The following MRPL38 variants were observed in gnomAD, a reference collection of about 807,000 sequenced individuals.
MRPL38 encodes the protein large ribosomal subunit protein mL38.
MRPL38 carries 51 observed loss-of-function variants against 52.1 expected under a neutral mutation model. That is an observed-to-expected ratio of 0.98 (90% CI 0.78 to 1.24). MRPL38 has a LOEUF of 1.24. MRPL38 is among the 50% of genes most tolerant of loss of function. The pLI is 0.00. For synonymous variants in MRPL38, 245 were observed against 212.7 expected (o/e 1.15, Z -1.32); for missense variants, 527 against 518.6 (o/e 1.02, Z -0.16).
rs140320185 is a variant in MRPL38 at position 75,899,604 on chromosome 17, G to T, written c.781C>A (p.Arg261=). Reference sequence around the variant, plus strand: ...GCAAGACGGTGGATGCCGGAGCCTCGGGCAGGGAAGGGGGGGAGGTAGGGA... The same window carrying T: ...GCAAGACGGTGGATGCCGGAGCCTCTGGCAGGGAAGGGGGGGAGGTAGGGA... The part of the protein sequence containing the change: ...TCPYLPPFPA[R]GSGIHRLAFL... Residue 261 remains arginine, a synonymous_variant, in exon 7 of 9, where the codon CGA becomes AGA. Transcript: ENST00000309352. 1.7e-5 allele frequency: 27 copies of T among 1,607,818 alleles called. No homozygotes were observed. In the East Asian group the frequency reaches 5.8e-4, roughly 35 times the overall value.
In MRPL38 at chr17:75,898,668, A is replaced by C. The variant is rs74757429; in HGVS notation, c.*182T>G. The C allele has an allele frequency of 4.1e-3, 2,693 of 653,998 alleles. 67 individuals are homozygous for C. In the African/African-American group the frequency reaches 0.046, roughly 11 times the overall value. 40.5% of individuals were successfully genotyped at this position (653,998 alleles called of 1,614,324 possible). A position where few individuals can be genotyped will look rare whatever the true frequency, so the allele number is the denominator to read the frequency against. On this transcript the variant is annotated 3_prime_UTR_variant, in exon 9 of 9. Coordinates refer to ENST00000309352, the MANE Select transcript of MRPL38 (RefSeq NM_032478.4). ...GCCCGGCAAGAAATCATGTTTATTCACATTCCCCACCCCACCACCTGAGAG... is the reference window on the plus strand; with the variant it reads ...GCCCGGCAAGAAATCATGTTTATTCCCATTCCCCACCCCACCACCTGAGAG...
Position 75,901,664 on chromosome 17 carries a change from G to T in MRPL38, c.591+48C>A. 4 of 1,518,604 alleles carry T rather than the reference G, an allele frequency of 2.6e-6. No homozygotes were observed. In the South Asian group the frequency reaches 4.5e-5, roughly 17 times the overall value. The allele number at this position is 1,518,604 out of a possible 1,614,324, so 94.1% of individuals were successfully genotyped here. ...TGTCTGTGACACTGAGATGGGATGT[G>T]TCTGTGTTTGCACAGGGCAGGGAGG... On this transcript the variant is annotated intron_variant, in intron 4 of 8. Coordinates refer to ENST00000309352, the MANE Select transcript of MRPL38 (RefSeq NM_032478.4). This position sits in a 1 kb window ranked among gnomAD's most constrained non-coding sequence, Gnocchi z 5.7.
In MRPL38 at chr17:75,898,811, G is replaced by GATCA. The variant is rs1567851924; in HGVS notation, c.*35_*38dup. The GATCA allele has an allele frequency of 6.2e-7, 1 of 1,608,884 alleles. No homozygotes were observed. Among genetic ancestry groups the GATCA allele is most frequent in the East Asian group, 2.2e-5 (1 of 44,714 alleles). ...GAGCTGTGTCTTTACTCTTGCTGCCGATCAATCCCATGCTCTGAAATGCGC... is the reference window on the plus strand; with the variant it reads ...GAGCTGTGTCTTTACTCTTGCTGCCGATCAATCAATCCCATGCTCTGAAATGCGC... On this transcript the variant is annotated 3_prime_UTR_variant, in exon 9 of 9. Transcript: ENST00000309352.
Position 75,901,268 on chromosome 17 carries a change from G to A in MRPL38, c.597C>T (p.Ala199=), listed in dbSNP as rs1442544659. 1 of 1,613,036 alleles carries A rather than the reference G, an allele frequency of 6.2e-7. No individual in the cohort carries two copies. Among genetic ancestry groups the A allele is most frequent in the East Asian group, 2.2e-5 (1 of 44,868 alleles). Residue 199 remains alanine (A), a synonymous_variant, in exon 5 of 9, where the codon GCC becomes GCT. Coordinates refer to ENST00000309352, the MANE Select transcript of MRPL38 (RefSeq NM_032478.4). The surrounding 1 kb of genome is among the most constrained non-coding windows in gnomAD (Gnocchi z 5.7). ...CCTCATAGGTCACCTCTGGCGCTTG[G>A]GCAGCCTGGCAGGGTGAGAAGGAAG... ...CGNEVTPTEA[A]QAPEVTYEAE... is the part of the protein sequence containing the mutation.
rs565222192 is a variant in MRPL38, at chr17:75,899,308, G to A, written c.870-14C>T. On this transcript the variant is annotated splice_polypyrimidine_tract_variant and intron_variant, in intron 7 of 8. Coordinates refer to ENST00000309352, the MANE Select transcript of MRPL38 (RefSeq NM_032478.4). Reference sequence around the variant, plus strand: ...GCCAGCTGATAGCTATGAGAAGATAGAGAGCGTATGAGAGTGTGGAGTGGG... The same window carrying A: ...GCCAGCTGATAGCTATGAGAAGATAAAGAGCGTATGAGAGTGTGGAGTGGG... The A allele has an allele frequency of 1.3e-5, 21 of 1,609,844 alleles. No homozygotes were observed. The South Asian group carries it at 2.2e-4, about 17-fold the overall frequency.
Position 75,901,580 on chromosome 17 carries a change from T to A in MRPL38, c.591+132A>T. 1.3e-6 allele frequency: 1 copy of A among 763,138 alleles called. No homozygotes were observed. The highest frequency in any genetic ancestry group is 2.2e-6 in the Non-Finnish European group (1 of 451,488). The allele number at this position is 763,138 out of a possible 1,614,324, so 47.3% of individuals were successfully genotyped here. A position where few individuals can be genotyped will look rare whatever the true frequency, so the allele number is the denominator to read the frequency against. ...TGTTCTATTTTCTTTGAAATTGTCA[T>A]GGTGTCGTCTTCCAGGAAATCAAAG... On this transcript the variant is annotated intron_variant, in intron 4 of 8. Transcript: ENST00000309352. This position sits in a 1 kb window ranked among gnomAD's most constrained non-coding sequence, Gnocchi z 5.7.
Position 75,901,796 on chromosome 17 carries a change from G to A in MRPL38, c.507C>T (p.Pro169=), listed in dbSNP as rs374943803. The stretch of plus-strand genomic sequence containing the variant: ...CGTAGGCCACGTGCAGGGGGACTCG[G>A]GGCACAAAGGTGGCACCGTGGAACA... ...RDLFHGATFV[P]RVPLHVAYAV... Residue 169 remains proline (P), a synonymous_variant, in exon 4 of 9, where the codon CCC becomes CCT. Transcript: ENST00000309352. This position sits in a 1 kb window ranked among gnomAD's most constrained non-coding sequence, Gnocchi z 5.7. The A allele has an allele frequency of 1.9e-6, 3 of 1,613,596 alleles. No individual in the cohort carries two copies. Among genetic ancestry groups the A allele is most frequent in the African/African-American group, 2.7e-5 (2 of 74,906 alleles).
chr17:75,904,630 T>C lies in MRPL38; in HGVS notation c.157A>G (p.Ser53Gly). 6.3e-7 allele frequency: 1 copy of C among 1,594,958 alleles called. No individual in the cohort carries two copies. Among genetic ancestry groups the C allele is most frequent in the Non-Finnish European group, 8.5e-7 (1 of 1,177,786 alleles). Reference protein sequence around the residue: ...SNLERLEKYRSFDRYRRRAEQ... With the variant: ...SNLERLEKYRGFDRYRRRAEQ... The stretch of plus-strand genomic sequence containing the variant: ...GCTCGGCGCCGGTAGCGGTCGAAGC[T>C]CCGGTACTTCTCCAGCCGCTCCAGG... Residue 53 changes from serine (S) to glycine (G), a missense_variant, in exon 2 of 9, where the codon AGC becomes GGC. Physicochemically the swap from Ser to Gly is moderately conservative, Grantham distance 56. Transcript: ENST00000309352.
intron 6 of MRPL38, 30 bp downstream of exon 6, chr17:75,900,952 A>ACC (rs11388056): frequency 6.2e-7 from 1 of 1,604,372 alleles, no homozygotes; most frequent in Non-Finnish European, 8.5e-7. Context: ...CCTGGGCAGC[A>ACC]CCCCCTACCC....
At position 75,904,306 on chromosome 17, in the gene MRPL38, C is replaced by G. The variant is rs1004898019; in HGVS notation, c.247+234G>C. 7.2e-6 allele frequency: 5 copies of G among 693,240 alleles called. No individual in the cohort carries two copies. The Admixed American group carries it at 1.0e-4, about 14-fold the overall frequency. The allele number at this position is 693,240 out of a possible 1,614,324, so 42.9% of individuals were successfully genotyped here. The stretch of plus-strand genomic sequence containing the variant: ...ATTTTAGGAGCAAATATTTTAGGAG[C>G]TGGAACTCTAATAGTAGGGGGAGCG... On this transcript the variant is annotated intron_variant, in intron 2 of 8. Transcript: ENST00000309352.
chr17:75,904,770 G>GGGGGGCCCCCC, intron 1 of MRPL38, 39 bp downstream of exon 1: 14 of 499,998 alleles, frequency 2.8e-5, no homozygotes, highest in East Asian at 1.0e-4. Flanking sequence ...TCGGGCGACA[G>GGGGGGCCCCCC]CCCCCCCCCC....
Position 75,901,607 on chromosome 17 carries a change from G to A in MRPL38, c.591+105C>T, listed in dbSNP as rs1345070419. ...GTGTCGTCTTCCAGGAAATCAAAGA[G>A]ACAGAGAACAACAAAATTCCAAACC... is the stretch of plus-strand genomic sequence containing the variant. On this transcript the variant is annotated intron_variant, in intron 4 of 8. Coordinates refer to ENST00000309352, the MANE Select transcript of MRPL38 (RefSeq NM_032478.4). The surrounding 1 kb of genome is among the most constrained non-coding windows in gnomAD (Gnocchi z 5.7). The A allele has an allele frequency of 2.1e-6, 2 of 939,282 alleles. No individual in the cohort carries two copies. The highest frequency in any genetic ancestry group is 2.6e-5 in the East Asian group (1 of 38,932). 58.2% of individuals were successfully genotyped at this position (939,282 alleles called of 1,614,324 possible).
At chr17:75,904,174 T>A in intron 2 of MRPL38, 1 of 489,092 alleles carries the variant, frequency 2.0e-6, no homozygotes, top group Admixed American at 2.4e-5. Context: ...GCGCTTACAA[T>A]CTGGGGAGAG....
rs749072650 is a variant in MRPL38, at chr17:75,899,295, C to T, written c.870-1G>A. Reference sequence around the variant, plus strand: ...GAAGGTCCGCTGGGCCAGCTGATAGCTATGAGAAGATAGAGAGCGTATGAG... The same window carrying T: ...GAAGGTCCGCTGGGCCAGCTGATAGTTATGAGAAGATAGAGAGCGTATGAG... On this transcript the variant is annotated splice_acceptor_variant, in intron 7 of 8. Coordinates refer to ENST00000309352, the MANE Select transcript of MRPL38 (RefSeq NM_032478.4). LOFTEE classifies it high-confidence loss of function. 7.4e-6 allele frequency: 12 copies of T among 1,612,276 alleles called. No individual in the cohort carries two copies. Among genetic ancestry groups the T allele is most frequent in the Non-Finnish European group, 1.0e-5 (12 of 1,179,442 alleles).
At chr17:75,903,876 G>T (rs1368846340) in intron 2 of MRPL38, among the ~76,000 whole-genome samples, 5 of 152,098 alleles carry the variant, frequency 3.3e-5, no homozygotes, top group Non-Finnish European at 5.9e-5. Context: ...TTACAGGCAT[G>T]CGACACCACG....
rs1004427045 is a variant in MRPL38, at chr17:75,901,564, T to C, written c.591+148A>G. 8.3e-6 allele frequency: 6 copies of C among 725,352 alleles called. No individual in the cohort carries two copies. The highest frequency in any genetic ancestry group is 1.2e-5 in the Non-Finnish European group (5 of 426,038). 44.9% of individuals were successfully genotyped at this position (725,352 alleles called of 1,614,324 possible). A position where few individuals can be genotyped will look rare whatever the true frequency, so the allele number is the denominator to read the frequency against. On this transcript the variant is annotated intron_variant, in intron 4 of 8. Transcript: ENST00000309352. The surrounding 1 kb of genome is among the most constrained non-coding windows in gnomAD (Gnocchi z 5.7). ...TCTTTTTCCTTCATTTTGTTCTATTTTCTTTGAAATTGTCATGGTGTCGTC... is the reference window on the plus strand; with the variant it reads ...TCTTTTTCCTTCATTTTGTTCTATTCTCTTTGAAATTGTCATGGTGTCGTC...
chr17:75,904,463 C>A (rs1289108440), intron 2 of MRPL38, 77 bp downstream of exon 2: 1 of 1,435,898 alleles, frequency 7.0e-7, no homozygotes, highest in East Asian at 2.5e-5. Context: ...AAGGCTCGCC[C>A]AGCGCCCGGG....
At position 75,902,115 on chromosome 17, in the gene MRPL38, T is replaced by A; in HGVS notation, c.287A>T (p.Lys96Ile). The change falls in exon 3 of 9, where the codon AAA becomes ATA. Residue 96 changes from lysine to isoleucine, a missense_variant. By Grantham distance (102) the Lys-to-Ile change is moderately radical. Coordinates refer to ENST00000309352, the MANE Select transcript of MRPL38 (RefSeq NM_032478.4). ...CAGTAGCTGTTGGGTCCGGGAGACTTTGGGTGGAGGCAGCCCAATATCAAT... is the reference window on the plus strand; with the variant it reads ...CAGTAGCTGTTGGGTCCGGGAGACTATGGGTGGAGGCAGCCCAATATCAAT... Reference protein sequence around the residue: ...EKIDIGLPPPKVSRTQQLLER... With the variant: ...EKIDIGLPPPIVSRTQQLLER... 6.3e-7 allele frequency: 1 copy of A among 1,588,414 alleles called. No homozygotes were observed. The highest frequency in any genetic ancestry group is 8.6e-7 in the Non-Finnish European group (1 of 1,167,540).
Position 75,904,685 on chromosome 17 carries a change from C to G in MRPL38, c.102G>C (p.Pro34=). Residue 34 remains proline, a synonymous_variant, in exon 2 of 9, where the codon CCG becomes CCC. Coordinates refer to ENST00000309352, the MANE Select transcript of MRPL38 (RefSeq NM_032478.4). The stretch of plus-strand genomic sequence containing the variant: ...TCAAGTCGATGTCACTGTTGGGCAT[C>G]GGCCCCAGCGGGGGTGTCCGGCGGC... ...VLGRRTPPLG[P]MPNSDIDLSN... 6.3e-7 allele frequency: 1 copy of G among 1,592,950 alleles called. No homozygotes were observed. Among genetic ancestry groups the G allele is most frequent in the Non-Finnish European group, 8.5e-7 (1 of 1,176,540 alleles).
Sources: allele counts gnomAD v4.1 joint callset (sites outside exome capture counted in the v4.1 genomes callset), GRCh38; gene constraint gnomAD v4.1.1; non-coding constraint Gnocchi (gnomAD v3.1); transcripts MANE v1.5; gene names NCBI Gene and HGNC (gene_info 2026-07-23, HGNC 2026-07-21).